PSPH: variants seen among roughly 807,000 people sequenced by gnomAD.
PSPH encodes the protein phosphoserine phosphatase.
Under a neutral mutation model 23.4 loss-of-function variants are expected in PSPH, and 16 were observed. The ratio of observed to expected loss-of-function variants is 0.68; its 90% CI spans 0.46 to 1.04. The LOEUF (loss-of-function observed/expected upper bound fraction) is 1.04, where lower values mean the gene tolerates loss of function less well. PSPH is among the 50% of genes least tolerant of loss of function. The pLI, the probability that PSPH is intolerant of heterozygous loss-of-function variation, is 0.00. For missense variants in PSPH, 223 were observed against 273.7 expected, an observed-to-expected ratio of 0.81 and a Z score of 1.31; for synonymous variants, 68 against 99.7, an observed-to-expected ratio of 0.68 and a Z score of 1.89.
chr7:56,033,511 TAAATA>T (rs984979289), intron 2 of PSPH: 3 of 145,170 alleles, frequency 2.1e-5, no homozygotes, highest in African/African-American at 7.5e-5. Flanking sequence ...AAAAAAAAAA[TAAATA>T]AAAATAAAAA....
intron 1 of PSPH, among the ~76,000 whole-genome samples, chr7:56,048,289 TGA>T (rs1491297166): frequency 3.2e-5 from 3 of 94,740 alleles, no homozygotes; most frequent in African/African-American, 6.5e-5. Flanking sequence ...TTAAAAAATT[TGA>T]AAAAAAAAAA....
chr7:56,025,525 C>A (rs112584067), intron 3 of PSPH, among the ~76,000 whole-genome samples: 1 of 152,102 alleles, frequency 6.6e-6, no homozygotes, highest in East Asian at 1.9e-4. Context: ...TCCCAAAGTG[C>A]TGGAACTACA....
intron 3 of PSPH, among the ~76,000 whole-genome samples, chr7:56,021,538 C>T (rs1011722635): frequency 1.5e-4 from 23 of 151,698 alleles, no homozygotes; most frequent in Non-Finnish European, 2.9e-4. Flanking sequence ...CCTGCCTCAG[C>T]CTCCTGAGTA....
chr7:56,030,631 G>GCTCACAGCTGTAATC (rs1311437532), intron 3 of PSPH, among the ~76,000 whole-genome samples: 1 of 152,132 alleles, frequency 6.6e-6, no homozygotes, highest in Non-Finnish European at 1.5e-5. Flanking sequence ...AGGTGCGGTG[G>GCTCACAGCTGTAATC]CTCACAGCTG....
intron 3 of PSPH, among the ~76,000 whole-genome samples, chr7:56,029,677 T>G (rs1004769758): frequency 1.3e-5 from 2 of 152,136 alleles, no homozygotes; most frequent in African/African-American, 4.8e-5. Context: ...AAGAGGCTTC[T>G]AAGATCACCT....
intron 5 of PSPH, among the ~76,000 whole-genome samples, chr7:56,018,655 C>A (rs554640988): frequency 6.6e-6 from 1 of 151,838 alleles, no homozygotes; most frequent in South Asian, 2.1e-4. Context: ...AGCAAGACCC[C>A]CATCTCTACA....
intron 3 of PSPH, among the ~76,000 whole-genome samples, chr7:56,025,217 TAC>T (rs1163763705): frequency 6.6e-6 from 1 of 152,028 alleles, no homozygotes; most frequent in Non-Finnish European, 1.5e-5. Context: ...CAAATACACA[TAC>T]ACACACATTT....
intron 4 of PSPH, 154 bp from the exon 5 acceptor site, chr7:56,019,888 G>A: frequency 1.1e-6 from 1 of 937,604 alleles, no homozygotes; most frequent in Non-Finnish European, 1.7e-6. Flanking sequence ...GGAGAGCAAG[G>A]CCTTGGAATA....
chr7:56,017,212 C>G (rs1368986514), intron 6 of PSPH, 22 bp downstream of exon 6: 3 of 1,613,720 alleles, frequency 1.9e-6, no homozygotes, highest in Non-Finnish European at 1.7e-6. Flanking sequence ...AGAAAGGGAA[C>G]ATGTTACTGT....
chr7:56,029,550 A>G (rs1790661793), intron 3 of PSPH, among the ~76,000 whole-genome samples: 2 of 151,746 alleles, frequency 1.3e-5, no homozygotes, highest in Non-Finnish European at 2.9e-5. Context: ...CCTAGTTCCA[A>G]AGTACAAAAG....
chr7:56,012,250 G>A (rs967390642), intron 7 of PSPH, among the ~76,000 whole-genome samples: 3 of 151,986 alleles, frequency 2.0e-5, no homozygotes, highest in African/African-American at 7.2e-5. Context: ...GGAGTGCAGT[G>A]GCACCGTCAT....
intron 1 of PSPH, among the ~76,000 whole-genome samples, chr7:56,041,649 C>T (rs541949528): frequency 6.6e-6 from 1 of 152,112 alleles, no homozygotes; most frequent in African/African-American, 2.4e-5. Flanking sequence ...GTGCGCCGGG[C>T]ACGGTGGCTC....
chr7:56,045,239 T>G (rs187797599), intron 1 of PSPH, among the ~76,000 whole-genome samples: 235 of 152,242 alleles, frequency 1.5e-3, no homozygotes, highest in Non-Finnish European at 2.8e-3. Context: ...GTGCAGTGGC[T>G]CACTCCTGTA....
chr7:56,044,653 G>C (rs1316243806), intron 1 of PSPH, among the ~76,000 whole-genome samples: 1 of 152,146 alleles, frequency 6.6e-6, no homozygotes, highest in Non-Finnish European at 1.5e-5. Flanking sequence ...CCAGCACTTT[G>C]GGAGGCTGAG....
intron 7 of PSPH, among the ~76,000 whole-genome samples, chr7:56,012,128 C>T (rs1408678705): frequency 2.0e-5 from 3 of 151,778 alleles, no homozygotes; most frequent in African/African-American, 7.3e-5. Context: ...TCAACCTCCT[C>T]CTGCGTCAGC....
chr7:56,049,356 CA>C (rs1191015459), intron 1 of PSPH, among the ~76,000 whole-genome samples: 1 of 152,122 alleles, frequency 6.6e-6, no homozygotes, highest in Admixed American at 6.6e-5. Context: ...GGAAATGTTT[CA>C]AAAGTGAGAA....
chr7:56,034,548 C>T (rs1376408774), intron 1 of PSPH, among the ~76,000 whole-genome samples: 2 of 152,110 alleles, frequency 1.3e-5, no homozygotes, highest in South Asian at 2.1e-4. Context: ...CGGAGTCTCG[C>T]TCTGTCGCCT....
chr7:56,019,646 G>A lies in PSPH; in HGVS notation c.229C>T (p.Gln77Ter). The A allele has an allele frequency of 6.2e-7, 1 of 1,613,958 alleles. No individual in the cohort carries two copies. Among genetic ancestry groups the A allele is most frequent in the Non-Finnish European group, 8.5e-7 (1 of 1,179,888 alleles). The change falls in exon 5 of 8, where the codon CAG becomes TAG. Residue 77 changes from glutamine (Q) to a stop codon, truncating the protein, a stop_gained. Coordinates refer to ENST00000275605, the MANE Select transcript of PSPH (RefSeq NM_004577.4). LOFTEE classifies it high-confidence loss of function. ...ALIQPSREQVQRLIAEQPPHL... is the reference protein window; with the variant it reads ...ALIQPSREQV ...GGGGGTTGCTCTGCTATGAGTCTCT[G>A]CACCTGCTCCCTGGAGGGCTGGATG... is the stretch of plus-strand genomic sequence containing the variant.
At chr7:56,040,632 A>C (rs567024727) in intron 1 of PSPH, among the ~76,000 whole-genome samples, 14 of 152,156 alleles carry the variant, frequency 9.2e-5, no homozygotes, top group African/African-American at 3.1e-4. Context: ...CCTCCTAGAA[A>C]TTATGCAAAG....
Sources: allele counts gnomAD v4.1 joint callset (sites outside exome capture counted in the v4.1 genomes callset), GRCh38; gene constraint gnomAD v4.1.1; transcripts MANE v1.5; gene names NCBI Gene and HGNC (gene_info 2026-07-23, HGNC 2026-07-21).